MAPT: variants seen among roughly 807,000 people sequenced by gnomAD.
MAPT encodes microtubule associated protein tau, also known as microtubule-associated protein tau.
MAPT carries 34 observed loss-of-function variants against 67.9 expected under a neutral mutation model. The ratio of observed to expected loss-of-function variants is 0.50; its 90% CI spans 0.38 to 0.67. MAPT has a LOEUF of 0.67. MAPT is among the 30% of genes least tolerant of loss of function. The pLI is 0.00. For missense variants in MAPT, 881 were observed against 1,115.2 expected (o/e 0.79, Z 2.99); for synonymous variants, 456 against 464.5 (o/e 0.98, Z 0.23).
At chr17:45,969,941 TCATCCATC>T (rs902473286) in intron 2 of MAPT, among the ~76,000 whole-genome samples, 1 of 147,112 alleles carries the variant, frequency 6.8e-6, no homozygotes, top group Non-Finnish European at 1.5e-5. Flanking sequence ...CATCATCCAT[TCATCCATC>T]CATCCATCCA....
chr17:45,984,528 C>T (rs2435210), intron 5 of MAPT, among the ~76,000 whole-genome samples: 43,638 of 152,044 alleles, frequency 0.29, 6,299 homozygotes, highest in Middle Eastern at 0.34. Flanking sequence ...GCACACACAG[C>T]AGGTGACACA....
intron 1 of MAPT, among the ~76,000 whole-genome samples, chr17:45,900,663 AG>A (rs1476075769): frequency 6.6e-6 from 1 of 152,180 alleles, no homozygotes; most frequent in Non-Finnish European, 1.5e-5. Context: ...ACCCTCCCCC[AG>A]GTCCCCAGTG....
rs201038763 is a variant in MAPT, at chr17:46,026,088, G to T, written c.*1917G>T. On this transcript the variant is annotated 3_prime_UTR_variant, in exon 13 of 13. Transcript: ENST00000262410. ...ACCAGAGTGACTATGATAGTGAAAA[G>T]AAAAAAAAAAAAAAAAAAGGACGCA... The T allele has an allele frequency of 4.3e-5, 4 of 92,574 alleles. No homozygotes were observed. The highest frequency in any genetic ancestry group is 6.4e-5 in the Non-Finnish European group (3 of 46,530). 5.7% of individuals were successfully genotyped at this position (92,574 alleles called of 1,614,324 possible). A position where few individuals can be genotyped will look rare whatever the true frequency, so the allele number is the denominator to read the frequency against.
chr17:45,918,521 C>T (rs982806529), intron 1 of MAPT, among the ~76,000 whole-genome samples: 1 of 152,172 alleles, frequency 6.6e-6, no homozygotes, highest in South Asian at 2.1e-4. Context: ...GTGTATAAAG[C>T]AGAGCGCACA....
At chr17:45,992,090 T>G (rs2145775185) in intron 8 of MAPT, among the ~76,000 whole-genome samples, 1 of 152,006 alleles carries the variant, frequency 6.6e-6, no homozygotes, top group African/African-American at 2.4e-5. Context: ...CCAGCCTGAA[T>G]CCTCACTTTT....
Position 46,010,485 on chromosome 17 carries a change from C to A in MAPT, c.2091+83C>A. 1 of 972,426 alleles carries A rather than the reference C, an allele frequency of 1.0e-6. No homozygotes were observed. Among genetic ancestry groups the A allele is most frequent in the Non-Finnish European group, 1.6e-6 (1 of 619,518 alleles). 60.2% of individuals were successfully genotyped at this position (972,426 alleles called of 1,614,324 possible). A position where few individuals can be genotyped will look rare whatever the true frequency, so the allele number is the denominator to read the frequency against. ...TGTGAGTGCGTACACTTGCGAGACA[C>A]TGCATAGAATAAATCCTTCTTGGGC... On this transcript the variant is annotated intron_variant, in intron 10 of 12. Transcript: ENST00000262410. The surrounding 1 kb of genome is among the most constrained non-coding windows in gnomAD (Gnocchi z 4.7).
At chr17:45,903,928 T>A (rs1369511266) in intron 1 of MAPT, among the ~76,000 whole-genome samples, 1 of 28,446 alleles carries the variant, frequency 3.5e-5, no homozygotes, top group Non-Finnish European at 6.5e-5. Context: ...TTTATATATA[T>A]TATATATTTA....
chr17:45,952,841 C>A (rs1305387542), intron 1 of MAPT, among the ~76,000 whole-genome samples: 2 of 152,152 alleles, frequency 1.3e-5, no homozygotes, highest in Admixed American at 1.3e-4. Flanking sequence ...CCTAGACCTG[C>A]ACCCTGACAT....
At chr17:45,959,800 C>T (rs1053315576) in intron 1 of MAPT, among the ~76,000 whole-genome samples, 3 of 151,794 alleles carry the variant, frequency 2.0e-5, no homozygotes, top group Non-Finnish European at 4.4e-5. Context: ...AAATTATGGA[C>T]AAAGTTTTTC....
chr17:45,990,133 G>A (rs1459244051), intron 7 of MAPT, 58 bp downstream of exon 7: 10 of 1,520,722 alleles, frequency 6.6e-6, no homozygotes, highest in Admixed American at 1.7e-5. Context: ...GCAAATGTGG[G>A]GTTTGTTTAT....
chr17:46,004,270 G>A (rs539275662), intron 9 of MAPT, among the ~76,000 whole-genome samples: 1 of 152,306 alleles, frequency 6.6e-6, no homozygotes, highest in Non-Finnish European at 1.5e-5. Flanking sequence ...ACAGCCTTGA[G>A]AGAACTGAAC....
chr17:46,009,672 G>C (rs2075690528), intron 9 of MAPT, among the ~76,000 whole-genome samples: 1 of 152,224 alleles, frequency 6.6e-6, no homozygotes, highest in African/African-American at 2.4e-5. Flanking sequence ...AAAGCGGCCT[G>C]TGTCCTGCCT....
chr17:45,916,352 G>A (rs540749417), intron 1 of MAPT, among the ~76,000 whole-genome samples: 25 of 152,306 alleles, frequency 1.6e-4, no homozygotes, highest in African/African-American at 4.6e-4. Flanking sequence ...CGTGGAGCCC[G>A]AGCCTGCCCC....
chr17:45,896,843 AC>A lies in MAPT; in HGVS notation c.-18+2158del. On this transcript the variant is annotated intron_variant, in intron 1 of 12. Coordinates refer to ENST00000262410, the MANE Select transcript of MAPT (RefSeq NM_001377265.1). This position sits in a 1 kb window ranked among gnomAD's most constrained non-coding sequence, Gnocchi z 5.6. ...GGGCGGCAGGGGGAACTCCTGGCCA[AC>A]GAATCCATGCCTCGCCCTCCTGTGA... is the stretch of plus-strand genomic sequence containing the variant. 1 of 152,768 alleles carries A rather than the reference AC, an allele frequency of 6.5e-6. No homozygotes were observed. The highest frequency in any genetic ancestry group is 6.5e-5 in the Admixed American group (1 of 15,292). 9.5% of individuals were successfully genotyped at this position (152,768 alleles called of 1,614,324 possible).
At chr17:45,940,163 G>A (rs2067724093) in intron 1 of MAPT, among the ~76,000 whole-genome samples, 2 of 152,326 alleles carry the variant, frequency 1.3e-5, no homozygotes, top group South Asian at 4.2e-4. Flanking sequence ...ACAGAGAACT[G>A]CATTTGACCT....
At position 46,027,545 on chromosome 17, in the gene MAPT, G is replaced by C. The variant is rs1284957537; in HGVS notation, c.*3374G>C. 6.6e-6 allele frequency: 1 copy of C among 152,324 alleles called. No homozygotes were observed. The highest frequency in any genetic ancestry group is 2.4e-5 in the African/African-American group (1 of 41,442). The allele number at this position is 152,324 out of a possible 1,614,324, so 9.4% of individuals were successfully genotyped here. Reference sequence around the variant, plus strand: ...GCTATTGCTTGTTGTGCTATGGGGGGAGGGGGGAGGAATGTGTAAGATAGT... The same window carrying C: ...GCTATTGCTTGTTGTGCTATGGGGGCAGGGGGGAGGAATGTGTAAGATAGT... On this transcript the variant is annotated 3_prime_UTR_variant, in exon 13 of 13. Coordinates refer to ENST00000262410, the MANE Select transcript of MAPT (RefSeq NM_001377265.1).
intron 1 of MAPT, among the ~76,000 whole-genome samples, chr17:45,929,722 T>G (rs564206752): frequency 2.4e-4 from 37 of 152,380 alleles, no homozygotes; most frequent in African/African-American, 8.7e-4. Flanking sequence ...TAGACCTTTC[T>G]TCTTTCCTTG....
intron 8 of MAPT, among the ~76,000 whole-genome samples, chr17:45,992,891 C>CAAA (rs1187123182): frequency 1.2e-5 from 1 of 85,584 alleles, no homozygotes; most frequent in Non-Finnish European, 2.4e-5. Flanking sequence ...GATTCCTTCT[C>CAAA]AAAAAAAAAA....
intron 2 of MAPT, among the ~76,000 whole-genome samples, 177 bp downstream of exon 2, chr17:45,962,647 C>T (rs1183395999): frequency 6.6e-6 from 1 of 152,170 alleles, no homozygotes; most frequent in East Asian, 1.9e-4. Context: ...AGATAATGGC[C>T]AGACACGGTG....
Sources: allele counts gnomAD v4.1 joint callset (sites outside exome capture counted in the v4.1 genomes callset), GRCh38; gene constraint gnomAD v4.1.1; non-coding constraint Gnocchi (gnomAD v3.1); transcripts MANE v1.5; gene names NCBI Gene and HGNC (gene_info 2026-07-23, HGNC 2026-07-21).